The following RGS7 variants were observed in gnomAD, a reference collection of about 807,000 sequenced individuals.
The protein encoded by RGS7 is regulator of G protein signaling 7, also known as regulator of G-protein signaling 7.
In RGS7, 27 loss-of-function variants were observed where a neutral mutation model predicts 81.1. That is an observed-to-expected ratio of 0.33 (90% CI 0.25 to 0.46). The LOEUF (loss-of-function observed/expected upper bound fraction) is 0.46. RGS7 is among the 20% of genes least tolerant of loss of function. The pLI is 1.00. For synonymous variants in RGS7, 208 were observed against 207.7 expected, an observed-to-expected ratio of 1.00 and a Z score of -0.01; for missense variants, 396 against 607.4, an observed-to-expected ratio of 0.65 and a Z score of 3.66.
At chr1:241,283,899 C>T (rs2078658122) in intron 2 of RGS7, among the ~76,000 whole-genome samples, 1 of 152,176 alleles carries the variant, frequency 6.6e-6, no homozygotes, top group Non-Finnish European at 1.5e-5. Flanking sequence ...CTTCATTCCA[C>T]TGATGAGCCA....
chr1:241,178,903 G>C lies in RGS7; in HGVS notation c.79-80141C>G, dbSNP rs115911054. On this transcript the variant is annotated intron_variant, in intron 2 of 18. Transcript: ENST00000440928. The stretch of plus-strand genomic sequence containing the variant: ...TGTAAGATTGATATGCAGCCAAACT[G>C]TGCTATATACTTTCAGTGTTCACTG... 4.3e-3 allele frequency among the ~76,000 whole-genome samples: 661 copies of C among 152,274 alleles called. 5 individuals carry two copies. The highest frequency in any genetic ancestry group is 0.016 in the African/African-American group (648 of 41,542).
Position 240,949,923 on chromosome 1 carries a change from C to G in RGS7, c.227-13217G>C, listed in dbSNP as rs373840555. Among the ~76,000 whole-genome samples, 13 of 150,934 alleles carry G rather than the reference C, an allele frequency of 8.6e-5. No individual in the cohort carries two copies. In the East Asian group the frequency reaches 2.5e-3, roughly 29 times the overall value. ...CATTTAAAGAGCTTAGAAGCTGTCACTCTCATCCTTTCGACAAAAGAAAAC... is the reference window on the plus strand; with the variant it reads ...CATTTAAAGAGCTTAGAAGCTGTCAGTCTCATCCTTTCGACAAAAGAAAAC... On this transcript the variant is annotated intron_variant, in intron 4 of 18. Transcript: ENST00000440928.
intron 3 of RGS7, among the ~76,000 whole-genome samples, chr1:241,038,232 T>C (rs2060432380): frequency 1.3e-5 from 2 of 152,212 alleles, no homozygotes; most frequent in South Asian, 4.1e-4. Flanking sequence ...ATTGGCTACT[T>C]CTCTAGCTGA....
intron 3 of RGS7, among the ~76,000 whole-genome samples, chr1:241,067,927 G>A (rs939312595): frequency 3.4e-5 from 5 of 149,188 alleles, no homozygotes; most frequent in Non-Finnish European, 6.0e-5. Flanking sequence ...GGGCCTAATA[G>A]TTTAGATGCA....
In RGS7 at chr1:240,878,438, A is replaced by G. The variant is rs114624919; in HGVS notation, c.386-8319T>C. On this transcript the variant is annotated intron_variant, in intron 6 of 18. Coordinates refer to ENST00000440928, the MANE Select transcript of RGS7 (RefSeq NM_001364886.1). ...AGTTGGGGAGTGAAAACATTTGCCT[A>G]GTGTTCATTCGAGGTTTTGTGTTTT... is the stretch of plus-strand genomic sequence containing the variant. Among the ~76,000 whole-genome samples, 525 of 146,670 alleles carry G rather than the reference A, an allele frequency of 3.6e-3. 5 individuals carry two copies. The highest frequency in any genetic ancestry group is 0.013 in the African/African-American group (508 of 39,774).
intron 9 of RGS7, among the ~76,000 whole-genome samples, chr1:240,830,547 C>T (rs1693660294): frequency 1.3e-5 from 2 of 152,194 alleles, no homozygotes; most frequent in South Asian, 2.1e-4. Flanking sequence ...GCCGAGAAAA[C>T]TGAAAATGTA....
intron 4 of RGS7, among the ~76,000 whole-genome samples, chr1:240,943,317 G>T (rs1177995080): frequency 2.0e-5 from 3 of 152,130 alleles, no homozygotes; most frequent in African/African-American, 7.2e-5. Context: ...TGGATTCTCT[G>T]GGCCTTGGTG....
intron 10 of RGS7, among the ~76,000 whole-genome samples, chr1:240,819,426 A>G (rs1161654941): frequency 6.6e-5 from 10 of 152,182 alleles, no homozygotes; most frequent in Admixed American, 6.5e-4. Context: ...ACATTTATGC[A>G]TTTCCTGTAA....
intron 18 of RGS7, among the ~76,000 whole-genome samples, chr1:240,786,970 T>C (rs1685181610): frequency 6.6e-6 from 1 of 152,140 alleles, no homozygotes; most frequent in Admixed American, 6.6e-5. Context: ...AATTACTGAT[T>C]CAAAGTGAGA....
chr1:240,898,929 T>G (rs1440870351), intron 6 of RGS7, among the ~76,000 whole-genome samples: 1 of 152,230 alleles, frequency 6.6e-6, no homozygotes, highest in African/African-American at 2.4e-5. Flanking sequence ...AGTCTCTTTG[T>G]AGGTCTCTAA....
intron 3 of RGS7, among the ~76,000 whole-genome samples, chr1:241,065,266 A>C (rs1455286779): frequency 6.7e-6 from 1 of 149,798 alleles, no homozygotes; most frequent in Non-Finnish European, 1.5e-5. Context: ...ATATATCTGT[A>C]ATAGAGATAT....
At position 240,868,423 on chromosome 1, in the gene RGS7, T is replaced by C. The variant is rs531953217; in HGVS notation, c.609+164A>G. 6.6e-6 allele frequency among the ~76,000 whole-genome samples: 1 copy of C among 152,342 alleles called. No homozygotes were observed. The highest frequency in any genetic ancestry group is 2.4e-5 in the African/African-American group (1 of 41,590). On this transcript the variant is annotated intron_variant, in intron 9 of 18. Coordinates refer to ENST00000440928, the MANE Select transcript of RGS7 (RefSeq NM_001364886.1). This position sits in a 1 kb window ranked among gnomAD's most constrained non-coding sequence, Gnocchi z 5.1. ...AATTAAATACGATGCTATTGAGGTC[T>C]AGTCATCCTACACAAAAGTGGTGAT...
intron 2 of RGS7, among the ~76,000 whole-genome samples, chr1:241,283,764 G>A (rs1573500021): frequency 6.6e-6 from 1 of 152,134 alleles, no homozygotes; most frequent in East Asian, 1.9e-4. Context: ...ATAAATGTTA[G>A]ATCTTTAATT....
chr1:241,084,475 C>CTT (rs1240225662), intron 3 of RGS7, among the ~76,000 whole-genome samples: 1 of 152,072 alleles, frequency 6.6e-6, no homozygotes. Flanking sequence ...TTAGGGCTTC[C>CTT]TTTGTTATCA....
At chr1:241,265,823 T>C (rs2077561939) in intron 2 of RGS7, among the ~76,000 whole-genome samples, 1 of 145,244 alleles carries the variant, frequency 6.9e-6, no homozygotes, top group African/African-American at 2.5e-5. Context: ...AGACAGAGTT[T>C]TGCTCTTGTT....
At chr1:241,212,778 G>A (rs2074320102) in intron 2 of RGS7, among the ~76,000 whole-genome samples, 1 of 152,152 alleles carries the variant, frequency 6.6e-6, no homozygotes, top group African/African-American at 2.4e-5. Flanking sequence ...GGCCTGCCCT[G>A]GAACATAAGT....
chr1:240,827,864 CAAAAAAA>C (rs57562408), intron 9 of RGS7, among the ~76,000 whole-genome samples: 7 of 52,864 alleles, frequency 1.3e-4, no homozygotes, highest in South Asian at 2.1e-3. Context: ...AACTCCATTG[CAAAAAAA>C]AAAAAAAAAA....
At chr1:240,814,673 A>G (rs372368091) in intron 12 of RGS7, 43 bp downstream of exon 12, 1 of 1,181,234 alleles carries the variant, frequency 8.5e-7, no homozygotes, top group Admixed American at 1.7e-5. Context: ...TGTAATTGTC[A>G]TATGAAATTT....
intron 3 of RGS7, among the ~76,000 whole-genome samples, chr1:241,004,129 G>C (rs1484850329): frequency 6.6e-6 from 1 of 152,206 alleles, no homozygotes; most frequent in Non-Finnish European, 1.5e-5. Context: ...ACTAAGGCAA[G>C]CTGTGTATAG....
Sources: gnomAD v4.1 joint callset for allele counts (sites outside exome capture counted in the v4.1 genomes callset) on GRCh38, gnomAD v4.1.1 for gene constraint, Gnocchi (gnomAD v3.1) non-coding constraint, MANE v1.5 for transcripts, NCBI Gene and HGNC (gene_info 2026-07-23, HGNC 2026-07-21) for gene names.